NYX: variants seen among roughly 807,000 people sequenced by gnomAD.
The protein encoded by NYX is leucine-rich repeat protein.
For missense variants in NYX, 481 were observed against 485.4 expected, an observed-to-expected ratio of 0.99 and a Z score of 0.09; for synonymous variants, 258 against 245.7, an observed-to-expected ratio of 1.05 and a Z score of -0.47.
At chrX:41,468,328 G>A (rs2064348030) in intron 2 of NYX, among the ~76,000 whole-genome samples, 1 of 98,636 alleles carries the variant, frequency 1.0e-5, no homozygotes, top group Non-Finnish European at 2.0e-5. Context: ...GTCTCGCTCT[G>A]TTGCCTGGGC....
At chrX:41,455,504 GGTGA>G (rs1035439549) in intron 2 of NYX, among the ~76,000 whole-genome samples, 2 of 109,935 alleles carry the variant, frequency 1.8e-5, no homozygotes, top group East Asian at 2.9e-4. Context: ...GTGCCCTCGG[GGTGA>G]GTATTTTAAG....
intron 2 of NYX, among the ~76,000 whole-genome samples, chrX:41,453,417 G>C (rs1217538764): frequency 1.8e-5 from 2 of 110,538 alleles, no homozygotes; most frequent in African/African-American, 6.6e-5. Context: ...ATTCACACAA[G>C]ATAAAATTAA....
chrX:41,460,679 T>C (rs2064315199), intron 2 of NYX, among the ~76,000 whole-genome samples: 1 of 109,933 alleles, frequency 9.1e-6, no homozygotes, highest in Admixed American at 9.9e-5. Flanking sequence ...ATATTTAAAG[T>C]GTATCCTCAC....
At chrX:41,469,085 C>T (rs913970781) in intron 2 of NYX, among the ~76,000 whole-genome samples, 1 of 111,700 alleles carries the variant, frequency 9.0e-6, no homozygotes, top group Admixed American at 9.6e-5. Flanking sequence ...GGCCTGAGTG[C>T]TCTTCAGCTG....
chrX:41,474,893 G>A lies in NYX; in HGVS notation c.1425G>A (p.Met475Ile). ...VAQHVVFGLQ[M>I]D ...AGCACGTGGTGTTTGGCCTGCAGAT[G>A]GACTGACCTGGCCAGAGGGGGGAAA... Residue 475 changes from methionine to isoleucine, a missense_variant, in exon 3 of 3, where the codon ATG (methionine) becomes ATA (isoleucine). Met to Ile is a conservative substitution (Grantham distance 10). Transcript: ENST00000378220. The A allele has an allele frequency of 1.7e-6, 2 of 1,199,001 alleles. No homozygotes were observed. The highest frequency in any genetic ancestry group is 2.3e-6 in the Non-Finnish European group (2 of 888,413).
chrX:41,472,445 A>C, intron 2 of NYX: 1 of 1,014,467 alleles, frequency 9.9e-7, no homozygotes, highest in Non-Finnish European at 1.4e-6. Context: ...CATGGCCAGC[A>C]GGCCGCGGAG....
At position 41,473,924 on chromosome X, in the gene NYX, A is replaced by C. The variant is rs1221253582; in HGVS notation, c.456A>C (p.Glu152Asp). Residue 152 changes from glutamate to aspartate, a missense_variant, in exon 3 of 3, where the codon GAA (glutamate) becomes GAC (aspartate). Glu to Asp is a conservative substitution (Grantham distance 45, BLOSUM62 2). Transcript: ENST00000378220. ...GCGTGCCCGAGCGCCTCCTGGCCGA[A>C]CTGCCGGCCCTGCGCGAACTCGCCG... ...LFSVPERLLA[E>D]LPALRELAAF... 29 of 1,120,249 alleles carry C rather than the reference A, an allele frequency of 2.6e-5. No homozygotes were observed. Among genetic ancestry groups the C allele is most frequent in the East Asian group, 3.8e-5 (1 of 26,166 alleles). The allele number at this position is 1,120,249 out of a possible 1,213,427, so 92.3% of individuals were successfully genotyped here. A position where few individuals can be genotyped will look rare whatever the true frequency, so the allele number is the denominator to read the frequency against.
At chrX:41,455,731 A>G (rs1318539151) in intron 2 of NYX, among the ~76,000 whole-genome samples, 1 of 111,627 alleles carries the variant, frequency 9.0e-6, no homozygotes, top group Non-Finnish European at 1.9e-5. Context: ...AGAAATTGCT[A>G]AGCAACTGCC....
intron 2 of NYX, chrX:41,472,364 A>T: frequency 8.6e-7 from 1 of 1,158,792 alleles, no homozygotes; most frequent in Non-Finnish European, 1.2e-6. Flanking sequence ...GGCCACATCC[A>T]TGTCGGTGGC....
intron 2 of NYX, among the ~76,000 whole-genome samples, chrX:41,464,551 G>A (rs761268747): frequency 1.4e-4 from 16 of 111,528 alleles, no homozygotes; most frequent in Non-Finnish European, 2.8e-4. Flanking sequence ...TTTGGAAGGC[G>A]GACATAAACA....
chrX:41,472,734 G>A, intron 2 of NYX: 1 of 304,133 alleles, frequency 3.3e-6, no homozygotes, highest in East Asian at 4.8e-5. Flanking sequence ...CAGGCCCCGA[G>A]CCGCGGAGCC....
At chrX:41,463,010 TTC>T (rs1444699841) in intron 2 of NYX, among the ~76,000 whole-genome samples, 1 of 97,340 alleles carries the variant, frequency 1.0e-5, no homozygotes, top group Non-Finnish European at 2.1e-5. Context: ...CTTTTTCTTC[TTC>T]TCTCTCTCTT....
chrX:41,474,303 T>C lies in NYX; in HGVS notation c.835T>C (p.Tyr279His). The stretch of plus-strand genomic sequence containing the variant: ...TGACCTGGCCGAGCTCGAGCTGCTC[T>C]ACCTGGACCGCAACAGCATCGCCTT... ...FADLAELELL[Y>H]LDRNSIAFVE... is the part of the protein sequence containing the mutation. The change falls in exon 3 of 3, where the codon TAC becomes CAC. Residue 279 changes from tyrosine (Y) to histidine (H), a missense_variant. Transcript: ENST00000378220. 8.3e-7 allele frequency: 1 copy of C among 1,208,264 alleles called. No individual in the cohort carries two copies. Among genetic ancestry groups the C allele is most frequent in the Non-Finnish European group, 1.1e-6 (1 of 895,428 alleles).
At chrX:41,463,444 C>T (rs1333958736) in intron 2 of NYX, among the ~76,000 whole-genome samples, 196 of 99,883 alleles carry the variant, frequency 2.0e-3, no homozygotes, top group Non-Finnish European at 3.2e-3. Flanking sequence ...TTTTCTGAGA[C>T]GGAGTTTTGC....
rs750321603 is a variant in NYX, at chrX:41,474,188, C to T, written c.720C>T (p.Leu240=). 1.5e-5 allele frequency: 18 copies of T among 1,164,227 alleles called. No individual in the cohort carries two copies. Among genetic ancestry groups the T allele is most frequent in the Admixed American group, 2.5e-5 (1 of 39,933 alleles). ...LLLNDNLLAE[L]PADAFRGLRR... is the part of the protein sequence containing the mutation. ...TCAACGACAACCTGCTGGCCGAGCTCCCGGCCGACGCCTTCCGCGGCCTGC... is the reference window on the plus strand; with the variant it reads ...TCAACGACAACCTGCTGGCCGAGCTTCCGGCCGACGCCTTCCGCGGCCTGC... Residue 240 remains leucine (L), a synonymous_variant, in exon 3 of 3, where the codon CTC becomes CTT. Coordinates refer to ENST00000378220, the MANE Select transcript of NYX (RefSeq NM_001378477.3).
intron 2 of NYX, among the ~76,000 whole-genome samples, chrX:41,466,889 G>A (rs370359457): frequency 1.1e-5 from 1 of 92,425 alleles, no homozygotes; most frequent in African/African-American, 4.1e-5. Context: ...TCCGCCTCAC[G>A]AGTTCAAGAG....
intron 2 of NYX, 72 bp from the exon 3 acceptor site, chrX:41,473,419 C>T (rs1166055253): frequency 1.1e-5 from 10 of 898,452 alleles, no homozygotes; most frequent in African/African-American, 4.3e-5. Context: ...CCTGGGGTGA[C>T]CTTTGGCTGA....
At chrX:41,462,954 G>T (rs1569264699) in intron 2 of NYX, among the ~76,000 whole-genome samples, 1 of 103,404 alleles carries the variant, frequency 9.7e-6, no homozygotes, top group Non-Finnish European at 2.0e-5. Flanking sequence ...TTTAAATTTT[G>T]ATGAAGTCTA....
chrX:41,459,511 C>T (rs986230943), intron 2 of NYX, among the ~76,000 whole-genome samples: 3 of 108,802 alleles, frequency 2.8e-5, no homozygotes, highest in Admixed American at 2.0e-4. Flanking sequence ...CCCAGCTACT[C>T]GGGAGGCTGA....
Sources: allele counts gnomAD v4.1 joint callset (sites outside exome capture counted in the v4.1 genomes callset), GRCh38; gene constraint gnomAD v4.1.1; transcripts MANE v1.5; gene names NCBI Gene and HGNC (gene_info 2026-07-23, HGNC 2026-07-21).